The following POLR2E variants were observed in gnomAD, a reference collection of about 807,000 sequenced individuals.
POLR2E encodes the protein DNA-directed RNA polymerases I, II, and III subunit RPABC1.
A neutral mutation model predicts 29.8 loss-of-function variants in POLR2E; 35 were observed. That is an observed-to-expected ratio of 1.17 (90% CI 0.90 to 1.55). POLR2E has a LOEUF of 1.55. Ranked by LOEUF, POLR2E falls within the 40% of genes most tolerant of loss-of-function variation. POLR2E has a pLI of 0.00. For missense variants in POLR2E, 287 were observed against 288.6 expected, an observed-to-expected ratio of 0.99 and a Z score of 0.04; for synonymous variants, 174 against 112.6, an observed-to-expected ratio of 1.55 and a Z score of -3.45.
intron 3 of POLR2E, among the ~76,000 whole-genome samples, chr19:1,091,213 G>A (rs900676499): frequency 2.6e-5 from 4 of 152,198 alleles, no homozygotes; most frequent in Non-Finnish European, 4.4e-5. Flanking sequence ...GTGGAAACTC[G>A]GATGTGTTTC....
At chr19:1,094,416 A>G in intron 1 of POLR2E, 1 of 286,446 alleles carries the variant, frequency 3.5e-6, no homozygotes, top group Non-Finnish European at 6.5e-6. Context: ...GCGGAGGCTC[A>G]CGCCCGTGAT....
Position 1,088,079 on chromosome 19 carries a change from G to A in POLR2E, c.*656C>T, listed in dbSNP as rs2238586. On this transcript the variant is annotated 3_prime_UTR_variant, in exon 8 of 8. Coordinates refer to ENST00000615234, the MANE Select transcript of POLR2E (RefSeq NM_002695.5). ...GGAGACACTGACCCCTGAAGCCAGC[G>A]CGAGGAGGGCACACCTGCCAGGCTG... 1 of 152,284 alleles carries A rather than the reference G, an allele frequency of 6.6e-6. No homozygotes were observed. Among genetic ancestry groups the A allele is most frequent in the East Asian group, 1.9e-4 (1 of 5,296 alleles). 9.4% of individuals were successfully genotyped at this position (152,284 alleles called of 1,614,324 possible).
At chr19:1,090,880 C>A (rs770161509) in intron 4 of POLR2E, 28 bp downstream of exon 4, 4 of 1,597,962 alleles carry the variant, frequency 2.5e-6, no homozygotes, top group African/African-American at 2.7e-5. Flanking sequence ...CGGCCCCACG[C>A]AGGCGGGATT....
Position 1,091,597 on chromosome 19 carries a change from G to A in POLR2E, c.348+195C>T, listed in dbSNP as rs542426172. ...CTCCTGAGAGCTGGGGGAGGACGGC[G>A]GCTGCCTGGGGTGGGGCCCATGGAC... On this transcript the variant is annotated intron_variant, in intron 3 of 7. Coordinates refer to ENST00000615234, the MANE Select transcript of POLR2E (RefSeq NM_002695.5). 5.5e-4 allele frequency: 322 copies of A among 584,066 alleles called. 2 individuals are homozygous for A. Among genetic ancestry groups the A allele is most frequent in the Middle Eastern group, 9.1e-4 (2 of 2,192 alleles). The allele number at this position is 584,066 out of a possible 1,614,324, so 36.2% of individuals were successfully genotyped here. A position where few individuals can be genotyped will look rare whatever the true frequency, so the allele number is the denominator to read the frequency against.
At chr19:1,089,837 G>A in intron 6 of POLR2E, 47 bp downstream of exon 6, 2 of 1,447,438 alleles carry the variant, frequency 1.4e-6, no homozygotes, top group Non-Finnish European at 1.9e-6. Flanking sequence ...TTCTCCGAGT[G>A]GTCAGCTCAG....
chr19:1,090,670 G>A (rs1383012062), intron 4 of POLR2E, among the ~76,000 whole-genome samples: 5 of 151,654 alleles, frequency 3.3e-5, no homozygotes, highest in Non-Finnish European at 7.4e-5. Flanking sequence ...CGCCCGCCTC[G>A]GCCTCCCAAA....
At position 1,091,001 on chromosome 19, in the gene POLR2E, G is replaced by T. The variant is rs537672972; in HGVS notation, c.349-13C>A. ...TGTCGACCAGGGACTGGAAGAGAGC[G>T]GCTCTAAGGCACGGCCCGGAGGGGC... On this transcript the variant is annotated splice_polypyrimidine_tract_variant and intron_variant, in intron 3 of 7. Coordinates refer to ENST00000615234, the MANE Select transcript of POLR2E (RefSeq NM_002695.5). 2.5e-6 allele frequency: 4 copies of T among 1,612,800 alleles called. No individual in the cohort carries two copies. The highest frequency in any genetic ancestry group is 3.4e-6 in the Non-Finnish European group (4 of 1,179,458).
intron 7 of POLR2E, 79 bp downstream of exon 7, chr19:1,089,393 A>T: frequency 1.1e-6 from 1 of 943,520 alleles, no homozygotes; most frequent in Non-Finnish European, 1.7e-6. Flanking sequence ...ACAAAGCAAG[A>T]ACAGCCCTGC....
Position 1,090,287 on chromosome 19 carries a change from C to T in POLR2E, c.430-142G>A. On this transcript the variant is annotated intron_variant, in intron 4 of 7. Transcript: ENST00000615234. ...GATCCCCGGCACTCAGGGAGCCCAC[C>T]CACCCCACCCTGGCTCCACAGGCGG... The T allele has an allele frequency of 1.3e-5, 9 of 718,496 alleles. No individual in the cohort carries two copies. In the South Asian group the frequency reaches 1.4e-4, roughly 11 times the overall value. The allele number at this position is 718,496 out of a possible 1,614,324, so 44.5% of individuals were successfully genotyped here.
intron 7 of POLR2E, among the ~76,000 whole-genome samples, 177 bp from the exon 8 acceptor site, chr19:1,088,897 C>G (rs991228438): frequency 6.6e-6 from 1 of 152,152 alleles, no homozygotes; most frequent in African/African-American, 2.4e-5. Context: ...GGCAGTAGCT[C>G]TGACCTCAAA....
Position 1,093,972 on chromosome 19 carries a change from C to G in POLR2E, c.164G>C (p.Arg55Pro). Residue 55 changes from arginine to proline, a missense_variant, in exon 2 of 8, where the codon CGC (arginine) becomes CCC (proline). By Grantham distance (103) the Arg-to-Pro change is moderately radical. Coordinates refer to ENST00000615234, the MANE Select transcript of POLR2E (RefSeq NM_002695.5). The stretch of plus-strand genomic sequence containing the variant: ...GGCCACCAGCACGGTGAGGTCCGTG[C>G]GCCGCGGCCGCCCCTCACTCGGCTT... ...GDKPSEGRPR[R>P]TDLTVLVAHN... 6.2e-7 allele frequency: 1 copy of G among 1,613,580 alleles called. No individual in the cohort carries two copies.
At chr19:1,094,191 C>T (rs1337690487) in intron 1 of POLR2E, 113 bp from the exon 2 acceptor site, 16 of 924,048 alleles carry the variant, frequency 1.7e-5, no homozygotes, top group Non-Finnish European at 2.4e-5. Flanking sequence ...GAACAGCAAA[C>T]GGGATGAACA....
At chr19:1,091,999 T>C (rs2043843285) in intron 2 of POLR2E, 92 bp from the exon 3 acceptor site, 2 of 849,658 alleles carry the variant, frequency 2.4e-6, no homozygotes, top group South Asian at 1.4e-5. Flanking sequence ...CCAGCCCCAT[T>C]CCACACAGGT....
In POLR2E at chr19:1,089,409, G is replaced by T; in HGVS notation, c.*14+63C>A. 2.7e-6 allele frequency: 3 copies of T among 1,091,404 alleles called. No homozygotes were observed. In the South Asian group the frequency reaches 3.9e-5, roughly 14 times the overall value. The allele number at this position is 1,091,404 out of a possible 1,614,324, so 67.6% of individuals were successfully genotyped here. A position where few individuals can be genotyped will look rare whatever the true frequency, so the allele number is the denominator to read the frequency against. On this transcript the variant is annotated intron_variant, in intron 7 of 7. Transcript: ENST00000615234. ...CAAAGCAAGAACAGCCCTGCACACC[G>T]ACGGAGGGGACGACACCCCTGCCTC...
intron 4 of POLR2E, 69 bp from the exon 5 acceptor site, chr19:1,090,214 C>T (rs556924051): frequency 7.4e-7 from 1 of 1,342,570 alleles, no homozygotes; most frequent in Non-Finnish European, 1.1e-6. Flanking sequence ...CCAGGTGCCA[C>T]CACAGCCCCT....
At chr19:1,090,777 T>C in intron 4 of POLR2E, 131 bp downstream of exon 4, 1 of 763,136 alleles carries the variant, frequency 1.3e-6, no homozygotes, top group East Asian at 2.8e-5. Context: ...GGCCACCCTT[T>C]GAGAACCCTG....
At chr19:1,094,774 T>TC in intron 1 of POLR2E, 1 of 172,468 alleles carries the variant, frequency 5.8e-6, no homozygotes, top group African/African-American at 2.4e-5. Flanking sequence ...CCCAGTGGCC[T>TC]CCATCTGCCC....
In POLR2E at chr19:1,091,016, C is replaced by T. The variant is rs1328762220; in HGVS notation, c.349-28G>A. On this transcript the variant is annotated intron_variant, in intron 3 of 7. Coordinates refer to ENST00000615234, the MANE Select transcript of POLR2E (RefSeq NM_002695.5). ...GGAAGAGAGCGGCTCTAAGGCACGG[C>T]CCGGAGGGGCCCAGACAACCCCAAC... 3 of 1,602,946 alleles carry T rather than the reference C, an allele frequency of 1.9e-6. No individual in the cohort carries two copies. In the African/African-American group the frequency reaches 4.0e-5, roughly 21 times the overall value.
chr19:1,092,512 T>C (rs59143200), intron 2 of POLR2E, among the ~76,000 whole-genome samples: 68,780 of 151,332 alleles, frequency 0.45, 15,913 homozygotes, highest in Non-Finnish European at 0.5. Context: ...CCACCCTGGC[T>C]AACAAGGTGA....
Sources: allele counts gnomAD v4.1 joint callset (sites outside exome capture counted in the v4.1 genomes callset), GRCh38; gene constraint gnomAD v4.1.1; transcripts MANE v1.5; gene names NCBI Gene and HGNC (gene_info 2026-07-23, HGNC 2026-07-21).